Variants in PDE8B observed in about 807,000 individuals in gnomAD.
PDE8B encodes high affinity cAMP-specific and IBMX-insensitive 3',5'-cyclic phosphodiesterase 8B.
A neutral mutation model predicts 101.3 loss-of-function variants in PDE8B; 26 were observed. The ratio of observed to expected loss-of-function variants is 0.26; its 90% CI spans 0.19 to 0.36. The LOEUF (loss-of-function observed/expected upper bound fraction) is 0.36. PDE8B is among the 10% of genes least tolerant of loss of function. The pLI is 1.00. For synonymous variants in PDE8B, 424 were observed against 429.3 expected, an observed-to-expected ratio of 0.99 and a Z score of 0.15; for missense variants, 810 against 1,163.1, an observed-to-expected ratio of 0.70 and a Z score of 4.42.
chr5:77,401,164 C>T (rs1189893492), intron 11 of PDE8B, among the ~76,000 whole-genome samples: 1 of 152,190 alleles, frequency 6.6e-6, no homozygotes, highest in African/African-American at 2.4e-5. Context: ...CAGTAACTGG[C>T]ATTTAACTTG....
At chr5:77,292,822 A>T (rs149917615) in intron 1 of PDE8B, among the ~76,000 whole-genome samples, 6 of 152,240 alleles carry the variant, frequency 3.9e-5, no homozygotes, top group Non-Finnish European at 8.8e-5. Flanking sequence ...TTGTATTTAA[A>T]TATTTATTAT....
intron 1 of PDE8B, among the ~76,000 whole-genome samples, chr5:77,298,418 C>T (rs1166053904): frequency 1.3e-5 from 2 of 152,148 alleles, no homozygotes; most frequent in Admixed American, 6.5e-5. Flanking sequence ...TTGTTACCCA[C>T]GTGACAGGCT....
Position 77,353,404 on chromosome 5 carries a change from C to G in PDE8B, c.1165C>G (p.Gln389Glu). The change falls in exon 10 of 22, where the codon CAG becomes GAG. Residue 389 changes from glutamine (Q) to glutamate (E), a missense_variant and splice_region_variant. Gln to Glu is a conservative substitution (Grantham distance 29). This residue lies in a region of PDE8B where 75 missense variants were observed against 76.9 expected (regional missense o/e 0.98). Coordinates refer to ENST00000264917, the MANE Select transcript of PDE8B (RefSeq NM_003719.5). ...GTGTTGTACCACTGACAATAATAAGCAGGTATGGTATTAGCTCACTTCGTT... is the reference window on the plus strand; with the variant it reads ...GTGTTGTACCACTGACAATAATAAGGAGGTATGGTATTAGCTCACTTCGTT... ...KLCCTTDNNK[Q>E]IHKIHRDSGD... 6.3e-7 allele frequency: 1 copy of G among 1,587,898 alleles called. No individual in the cohort carries two copies. The highest frequency in any genetic ancestry group is 8.6e-7 in the Non-Finnish European group (1 of 1,156,124).
At chr5:77,155,047 G>A in the PDE8B span, among the ~76,000 whole-genome samples, 36 of 152,148 alleles carry the variant, frequency 2.4e-4, no homozygotes, top group Non-Finnish European at 4.4e-4. Flanking sequence ...AGGTGGCCTT[G>A]GCTCAATGTT....
the PDE8B span, among the ~76,000 whole-genome samples, chr5:77,202,762 G>A: frequency 2.6e-5 from 4 of 152,082 alleles, no homozygotes; most frequent in African/African-American, 9.7e-5. Flanking sequence ...TGGGACTACA[G>A]GGGTGTGCCA....
At chr5:77,424,861 T>C (rs1797651857) in intron 20 of PDE8B, among the ~76,000 whole-genome samples, 1 of 151,748 alleles carries the variant, frequency 6.6e-6, no homozygotes, top group Admixed American at 6.6e-5. Flanking sequence ...GATCTCACTC[T>C]GTAACCCAAA....
rs116240733 is a variant in PDE8B at position 77,238,757 on chromosome 5, C to G, written c.339+27493C>G. The stretch of plus-strand genomic sequence containing the variant: ...TCAAATCTGAAGGTCTGAGAACCAG[C>G]AGAGTCAATGTGTAAATTCTAGTAC... On this transcript the variant is annotated intron_variant, in intron 1 of 21. Coordinates refer to ENST00000264917, the MANE Select transcript of PDE8B (RefSeq NM_003719.5). Among the ~76,000 whole-genome samples, 577 of 152,316 alleles carry G rather than the reference C, an allele frequency of 3.8e-3. 2 individuals are homozygous for G. The highest frequency in any genetic ancestry group is 0.013 in the African/African-American group (548 of 41,566).
At chr5:77,119,502 C>CA in the PDE8B span, 1 of 151,400 alleles carries the variant, frequency 6.6e-6, no homozygotes, top group Non-Finnish European at 1.5e-5. Context: ...ACTAAAAATA[C>CA]AAAAAATTAG....
intron 14 of PDE8B, 133 bp downstream of exon 14, chr5:77,409,190 A>C: frequency 1.4e-6 from 1 of 738,440 alleles, no homozygotes; most frequent in Non-Finnish European, 2.4e-6. Context: ...ACCAGAAGCA[A>C]CTGCGTCAGA....
chr5:77,162,285 T>A, the PDE8B span, among the ~76,000 whole-genome samples: 1 of 152,142 alleles, frequency 6.6e-6, no homozygotes, highest in Non-Finnish European at 1.5e-5. Flanking sequence ...AATATATACA[T>A]CAATGGAGGA....
intron 10 of PDE8B, among the ~76,000 whole-genome samples, chr5:77,360,090 CA>C (rs200573688): frequency 0.018 from 1,484 of 81,870 alleles, 10 homozygotes; most frequent in African/African-American, 0.043. Flanking sequence ...GACTTCATCG[CA>C]AAAAAAAAAA....
intron 1 of PDE8B, among the ~76,000 whole-genome samples, chr5:77,279,604 A>T (rs1357586735): frequency 6.6e-6 from 1 of 152,192 alleles, no homozygotes; most frequent in African/African-American, 2.4e-5. Context: ...CCTTCTTTTA[A>T]TTATCACAAG....
At chr5:77,290,165 C>A in intron 1 of PDE8B, 1 of 1,405,344 alleles carries the variant, frequency 7.1e-7, no homozygotes, top group Non-Finnish European at 9.9e-7. Context: ...CCAATCTGGT[C>A]TTACATTAAA....
At chr5:77,183,557 G>T in the PDE8B span, among the ~76,000 whole-genome samples, 1 of 152,274 alleles carries the variant, frequency 6.6e-6, no homozygotes, top group Admixed American at 6.5e-5. Context: ...GGAAGAAAAG[G>T]GGAGGGCAAA....
chr5:77,170,983 A>C, the PDE8B span, among the ~76,000 whole-genome samples: 2 of 152,208 alleles, frequency 1.3e-5, no homozygotes, highest in African/African-American at 4.8e-5. Context: ...GACTCTTCAA[A>C]ACTTGGGAGT....
Position 77,426,909 on chromosome 5 carries a change from T to G in PDE8B, c.*355T>G. The stretch of plus-strand genomic sequence containing the variant: ...TGAGCTCATCTCCCAGGATGGTGAC[T>G]AAGTAGCTTAGCTAGTGATCAGCTC... On this transcript the variant is annotated 3_prime_UTR_variant, in exon 22 of 22. Coordinates refer to ENST00000264917, the MANE Select transcript of PDE8B (RefSeq NM_003719.5). 2 of 320,416 alleles carry G rather than the reference T, an allele frequency of 6.2e-6. No homozygotes were observed. Among genetic ancestry groups the G allele is most frequent in the Non-Finnish European group, 1.2e-5 (2 of 166,672 alleles). 19.8% of individuals were successfully genotyped at this position (320,416 alleles called of 1,614,324 possible). A position where few individuals can be genotyped will look rare whatever the true frequency, so the allele number is the denominator to read the frequency against.
At chr5:77,312,558 A>G (rs1252538406) in intron 2 of PDE8B, among the ~76,000 whole-genome samples, 5 of 152,224 alleles carry the variant, frequency 3.3e-5, no homozygotes, top group African/African-American at 1.2e-4. Context: ...GGAAGAAGCA[A>G]TGAAATGGTG....
chr5:77,257,799 T>C (rs1759504378), intron 1 of PDE8B, among the ~76,000 whole-genome samples: 1 of 152,132 alleles, frequency 6.6e-6, no homozygotes, highest in East Asian at 1.9e-4. Context: ...GCATTAGCTA[T>C]TTATCCTGAT....
the PDE8B span, among the ~76,000 whole-genome samples, chr5:77,143,057 G>A: frequency 6.6e-6 from 1 of 152,240 alleles, no homozygotes; most frequent in South Asian, 2.1e-4. Context: ...GGAACCCTAG[G>A]ATATCGGGAA....
Sources: allele counts gnomAD v4.1 joint callset (sites outside exome capture counted in the v4.1 genomes callset), GRCh38; gene constraint gnomAD v4.1.1; regional missense constraint gnomAD v4.1.1; transcripts MANE v1.5; gene names NCBI Gene and HGNC (gene_info 2026-07-23, HGNC 2026-07-21).